The following POC5 variants were observed in gnomAD, a reference collection of about 807,000 sequenced individuals.
The protein encoded by POC5 is POC5 centriolar protein, also known as centrosomal protein POC5.
In POC5, 48 loss-of-function variants were observed where a neutral mutation model predicts 62.9. That is an observed-to-expected ratio of 0.76 (90% confidence interval 0.61 to 0.97). The LOEUF is 0.97. POC5 is among the 50% of genes least tolerant of loss of function. POC5 has a pLI of 0.00. For synonymous variants in POC5, 236 were observed against 228.2 expected (o/e 1.03, Z -0.31); for missense variants, 696 against 679.5 (o/e 1.02, Z -0.27).
chr5:75,689,005 T>C lies in POC5; in HGVS notation c.1129+7A>G, dbSNP rs781660226. On this transcript the variant is annotated splice_region_variant and intron_variant, in intron 9 of 11. Coordinates refer to ENST00000428202, the MANE Select transcript of POC5 (RefSeq NM_001099271.2). ...ATTAGGCAGAGAAACTTTAATGAAA[T>C]ACTAACCTGCATCATTTCTGTTTTG... The C allele has an allele frequency of 3.9e-6, 6 of 1,548,536 alleles. No individual in the cohort carries two copies. The highest frequency in any genetic ancestry group is 5.2e-6 in the Non-Finnish European group (6 of 1,150,366).
chr5:75,684,153 T>C (rs1775987242), intron 10 of POC5, among the ~76,000 whole-genome samples: 1 of 152,078 alleles, frequency 6.6e-6, no homozygotes, highest in Non-Finnish European at 1.5e-5. Flanking sequence ...CAATTACAAA[T>C]TACAAATTAA....
At chr5:75,684,205 T>C (rs1775989905) in intron 10 of POC5, among the ~76,000 whole-genome samples, 2 of 152,150 alleles carry the variant, frequency 1.3e-5, no homozygotes, top group Non-Finnish European at 2.9e-5. Flanking sequence ...GTGTTAGTGA[T>C]ATATCTGCAT....
At chr5:75,701,702 C>T (rs1414904916) in intron 5 of POC5, among the ~76,000 whole-genome samples, 1 of 149,356 alleles carries the variant, frequency 6.7e-6, no homozygotes, top group East Asian at 2.0e-4. Context: ...TACATGTACC[C>T]TAAAACTTAA....
chr5:75,703,853 A>G (rs1367377289), intron 4 of POC5, among the ~76,000 whole-genome samples: 1 of 151,090 alleles, frequency 6.6e-6, no homozygotes, highest in Admixed American at 6.6e-5. Flanking sequence ...ACAGGTATCT[A>G]TTTCTAAAAA....
chr5:75,675,570 C>G (rs1775618853), intron 11 of POC5, among the ~76,000 whole-genome samples: 1 of 152,152 alleles, frequency 6.6e-6, no homozygotes, highest in Admixed American at 6.5e-5. Flanking sequence ...AACAGAACTC[C>G]TTTTTAAAGA....
At chr5:75,691,449 T>C (rs933610591) in intron 7 of POC5, among the ~76,000 whole-genome samples, 2 of 152,174 alleles carry the variant, frequency 1.3e-5, no homozygotes, top group Admixed American at 1.3e-4. Context: ...TAACACAAAC[T>C]TTGTTTCATG....
rs1561459799 is a variant in POC5 at position 75,677,958 on chromosome 5, G to A, written c.1408-8C>T. 8.2e-6 allele frequency: 12 copies of A among 1,458,654 alleles called. No homozygotes were observed. Among genetic ancestry groups the A allele is most frequent in the Admixed American group, 4.9e-5 (2 of 40,668 alleles). 90.4% of individuals were successfully genotyped at this position (1,458,654 alleles called of 1,614,324 possible). On this transcript the variant is annotated splice_polypyrimidine_tract_variant and splice_region_variant and intron_variant, in intron 10 of 11. Transcript: ENST00000428202. ...TACAACTCTTGGCACATACTAAGAA[G>A]AAAAAAAAATAAAAGAAGTAACAAG...
At chr5:75,697,886 A>G (rs1355277922) in intron 5 of POC5, among the ~76,000 whole-genome samples, 1 of 145,854 alleles carries the variant, frequency 6.9e-6, no homozygotes, top group Non-Finnish European at 1.5e-5. Flanking sequence ...TACCAAGCCA[A>G]TGGAAAACAA....
chr5:75,691,025 C>G (rs1176598542), intron 7 of POC5, among the ~76,000 whole-genome samples: 1 of 152,112 alleles, frequency 6.6e-6, no homozygotes, highest in East Asian at 1.9e-4. Flanking sequence ...ATTTATAAAC[C>G]CTGCCATCAT....
intron 5 of POC5, among the ~76,000 whole-genome samples, chr5:75,697,345 A>C (rs1365638288): frequency 6.6e-6 from 1 of 152,232 alleles, no homozygotes; most frequent in African/African-American, 2.4e-5. Flanking sequence ...CCATCAGACT[A>C]ACAGCTGATC....
chr5:75,702,538 A>G (rs1776931510), intron 5 of POC5, 67 bp downstream of exon 5: 1 of 1,440,102 alleles, frequency 6.9e-7, no homozygotes, highest in South Asian at 1.3e-5. Flanking sequence ...ACAAAACAGT[A>G]TAAATGAGAG....
At position 75,684,837 on chromosome 5, in the gene POC5, TTA is replaced by T. The variant is rs544109550; in HGVS notation, c.1407+368_1407+369del. Among the ~76,000 whole-genome samples, 370 of 152,074 alleles carry T rather than the reference TTA, an allele frequency of 2.4e-3. 1 individual carries two copies. The highest frequency in any genetic ancestry group is 8.3e-3 in the African/African-American group (344 of 41,470). ...TTTTTTTTCTCCATAGGAAAATATT[TTA>T]TGAGTTCAAAATATTAAATTTACAA... is the stretch of plus-strand genomic sequence containing the variant. On this transcript the variant is annotated intron_variant, in intron 10 of 11. Transcript: ENST00000428202.
intron 4 of POC5, among the ~76,000 whole-genome samples, chr5:75,703,346 G>A (rs1580051748): frequency 2.0e-5 from 3 of 152,178 alleles, no homozygotes; most frequent in Admixed American, 6.5e-5. Context: ...ATTAAAATTC[G>A]GCCGGGCGCG....
intron 9 of POC5, among the ~76,000 whole-genome samples, chr5:75,687,910 C>T (rs1208046665): frequency 6.6e-6 from 1 of 152,038 alleles, no homozygotes; most frequent in Admixed American, 6.6e-5. Context: ...TGTTTTCAAC[C>T]CTGATACTCA....
intron 11 of POC5, among the ~76,000 whole-genome samples, chr5:75,676,319 CA>C (rs1484912723): frequency 6.6e-6 from 1 of 152,150 alleles, no homozygotes; most frequent in Non-Finnish European, 1.5e-5. Context: ...CTTCCATATT[CA>C]AAAATATATA....
At chr5:75,710,095 C>T (rs1354190663) in intron 2 of POC5, among the ~76,000 whole-genome samples, 1 of 152,160 alleles carries the variant, frequency 6.6e-6, no homozygotes, top group Admixed American at 6.5e-5. Flanking sequence ...GCACCAGTAC[C>T]TGACAATGCA....
chr5:75,712,262 T>A (rs1436047832), intron 2 of POC5: 5 of 1,270,260 alleles, frequency 3.9e-6, no homozygotes, highest in Non-Finnish European at 5.7e-6. Context: ...ATTATTCTCA[T>A]ATTTAAAATC....
At chr5:75,696,452 T>C (rs567828931) in intron 5 of POC5, among the ~76,000 whole-genome samples, 1 of 152,202 alleles carries the variant, frequency 6.6e-6, no homozygotes, top group Non-Finnish European at 1.5e-5. Flanking sequence ...AGAGGCAGAC[T>C]GACACCTCAC....
intron 11 of POC5, among the ~76,000 whole-genome samples, chr5:75,677,287 A>T (rs569184568): frequency 6.6e-6 from 1 of 152,314 alleles, no homozygotes; most frequent in African/African-American, 2.4e-5. Context: ...TGCAAGTTGA[A>T]TTTTGTTAAA....
Sources: gnomAD v4.1 joint callset for allele counts (sites outside exome capture counted in the v4.1 genomes callset) on GRCh38, gnomAD v4.1.1 for gene constraint, MANE v1.5 for transcripts, NCBI Gene and HGNC (gene_info 2026-07-23, HGNC 2026-07-21) for gene names.